Variants in NHS observed in about 807,000 individuals in gnomAD.
The protein encoded by NHS is NHS actin remodeling regulator, also known as actin remodeling regulator NHS.
Under a neutral mutation model 72.5 loss-of-function variants are expected in NHS, and 5 were observed. That is an observed-to-expected ratio of 0.07 (90% CI 0.04 to 0.14). The LOEUF is 0.14. NHS is among the 10% of genes least tolerant of loss of function. The pLI is 1.00. For synonymous variants in NHS, 464 were observed against 547.7 expected (o/e 0.85, Z 2.13); for missense variants, 1,072 against 1,355.7 (o/e 0.79, Z 3.29).
At chrX:17,383,409 C>T (rs1005975964) in intron 1 of NHS, among the ~76,000 whole-genome samples, 11 of 111,839 alleles carry the variant, frequency 9.8e-5, no homozygotes, top group African/African-American at 2.9e-4. Flanking sequence ...TTAGTCTGTT[C>T]TCTCACTGCT....
chrX:17,478,077 G>A (rs7473191), intron 1 of NHS, among the ~76,000 whole-genome samples: 6,845 of 111,478 alleles, frequency 0.061, 549 homozygotes, highest in African/African-American at 0.21. Flanking sequence ...CCAGGCAGAG[G>A]TGAGGAACTA....
At chrX:17,574,186 T>G (rs2065497475) in intron 1 of NHS, among the ~76,000 whole-genome samples, 1 of 112,075 alleles carries the variant, frequency 8.9e-6, no homozygotes, top group African/African-American at 3.2e-5. Flanking sequence ...TCGAACGCCA[T>G]GCTGGGAGAA....
At chrX:17,488,668 T>A (rs758436896) in intron 1 of NHS, among the ~76,000 whole-genome samples, 4 of 112,203 alleles carry the variant, frequency 3.6e-5, no homozygotes, top group African/African-American at 1.3e-4. Flanking sequence ...TAGTAAAATA[T>A]GTGCTTCTTA....
chrX:17,576,863 A>T lies in NHS; in HGVS notation c.566-110879A>T, dbSNP rs922599237. ...AGGGATGGGCACTTATCCAGCCTTGATGCATTCCCAAAATCTCTCATCAGA... is the reference window on the plus strand; with the variant it reads ...AGGGATGGGCACTTATCCAGCCTTGTTGCATTCCCAAAATCTCTCATCAGA... On this transcript the variant is annotated intron_variant, in intron 1 of 8. Transcript: ENST00000676302. Among the ~76,000 whole-genome samples the T allele has an allele frequency of 4.5e-5, 5 of 111,960 alleles. No homozygotes were observed. In the Admixed American group the frequency reaches 4.7e-4, roughly 11 times the overall value.
At chrX:17,404,359 G>A (rs751414003) in intron 1 of NHS, among the ~76,000 whole-genome samples, 1 of 111,517 alleles carries the variant, frequency 9.0e-6, no homozygotes, top group South Asian at 3.9e-4. Context: ...AAAGTGTGCA[G>A]TAAGGAGGGT....
At chrX:17,465,750 G>A (rs754756584) in intron 1 of NHS, among the ~76,000 whole-genome samples, 25 of 112,013 alleles carry the variant, frequency 2.2e-4, no homozygotes, top group Non-Finnish European at 4.1e-4. Flanking sequence ...TATTTGCCCT[G>A]TCTATGTTAA....
At chrX:17,654,188 C>G (rs1183783071) in intron 1 of NHS, among the ~76,000 whole-genome samples, 3 of 112,161 alleles carry the variant, frequency 2.7e-5, no homozygotes, top group East Asian at 2.8e-4. Flanking sequence ...GCCCTTCCCC[C>G]CTTCCATCCT....
At chrX:17,492,420 C>T (rs1215718655) in intron 1 of NHS, among the ~76,000 whole-genome samples, 1 of 112,074 alleles carries the variant, frequency 8.9e-6, no homozygotes, top group Non-Finnish European at 1.9e-5. Context: ...GCAGGTTGTT[C>T]AGTTTCTATG....
intron 1 of NHS, among the ~76,000 whole-genome samples, chrX:17,625,961 C>T (rs2065796454): frequency 8.9e-6 from 1 of 111,905 alleles, no homozygotes. Context: ...TCATATCATT[C>T]TATAAAATTT....
In NHS at chrX:17,533,589, T is replaced by G. The variant is rs1355629335; in HGVS notation, c.566-154153T>G. On this transcript the variant is annotated intron_variant, in intron 1 of 8. Transcript: ENST00000676302. ...TGTGAACCACTGGCCCTGGCCTTGT[T>G]GACTTTTAAAATTATGACTTTTAAA... Among the ~76,000 whole-genome samples the G allele has an allele frequency of 2.7e-5, 3 of 112,174 alleles. No homozygotes were observed. In the East Asian group the frequency reaches 8.4e-4, roughly 31 times the overall value.
chrX:17,476,284 G>A (rs1230752054), intron 1 of NHS, among the ~76,000 whole-genome samples: 2 of 111,942 alleles, frequency 1.8e-5, no homozygotes, highest in Non-Finnish European at 3.8e-5. Context: ...GAGGGATGCT[G>A]TAATGGGCTT....
chrX:17,587,882 A>G (rs2065583608), intron 1 of NHS, among the ~76,000 whole-genome samples: 1 of 112,704 alleles, frequency 8.9e-6, no homozygotes, highest in Non-Finnish European at 1.9e-5. Context: ...AAGATGAATT[A>G]GATATGAAGG....
At chrX:17,705,483 G>A (rs1247097943) in intron 3 of NHS, 1 of 112,338 alleles carries the variant, frequency 8.9e-6, no homozygotes, top group Admixed American at 9.4e-5. Flanking sequence ...TATTCCCTCT[G>A]ACCATTATGC....
intron 1 of NHS, among the ~76,000 whole-genome samples, chrX:17,533,563 G>A (rs2065209298): frequency 1.8e-5 from 2 of 112,046 alleles, no homozygotes; most frequent in South Asian, 3.7e-4. Flanking sequence ...GGGATTACAG[G>A]TGTGAACCAC....
intron 1 of NHS, among the ~76,000 whole-genome samples, chrX:17,421,563 A>G (rs1197980108): frequency 1.8e-5 from 2 of 110,261 alleles, no homozygotes; most frequent in African/African-American, 6.6e-5. Context: ...TCTTTTTTGT[A>G]CTTTTTGTTT....
chrX:17,639,334 A>C (rs2065868605), intron 1 of NHS, among the ~76,000 whole-genome samples: 1 of 112,107 alleles, frequency 8.9e-6, no homozygotes, highest in African/African-American at 3.2e-5. Context: ...CAGGTGCCTT[A>C]GTCCATTTTC....
chrX:17,532,723 G>A (rs1388968646), intron 1 of NHS, among the ~76,000 whole-genome samples: 1 of 111,196 alleles, frequency 9.0e-6, no homozygotes, highest in African/African-American at 3.3e-5. Flanking sequence ...AAACTAACTG[G>A]CATATAATCA....
At chrX:17,556,402 G>A (rs750059771) in intron 1 of NHS, among the ~76,000 whole-genome samples, 157 of 112,963 alleles carry the variant, frequency 1.4e-3, no homozygotes, top group Admixed American at 2.7e-3. Context: ...CATGCCAGGA[G>A]GGCTCCTCTA....
chrX:17,459,459 A>G (rs1426212199), intron 1 of NHS, among the ~76,000 whole-genome samples: 1 of 112,287 alleles, frequency 8.9e-6, no homozygotes, highest in Non-Finnish European at 1.9e-5. Flanking sequence ...GTTTGGGGCA[A>G]GATGCTAAAG....
Sources: allele counts gnomAD v4.1 joint callset (sites outside exome capture counted in the v4.1 genomes callset), GRCh38; gene constraint gnomAD v4.1.1; transcripts MANE v1.5; gene names NCBI Gene and HGNC (gene_info 2026-07-23, HGNC 2026-07-21).